Variants in NFAM1 observed in about 807,000 individuals in gnomAD.
The protein encoded by NFAM1 is NFAT activation molecule 1.
In NFAM1, 17 loss-of-function variants were observed where a neutral mutation model predicts 29.0. The observed-to-expected ratio is 0.59, with a 90% CI of 0.40 to 0.88. NFAM1 has a LOEUF of 0.88. Ranked by LOEUF, NFAM1 falls within the 40% of genes least tolerant of loss-of-function variation. NFAM1 has a pLI of 0.00. For missense variants in NFAM1, 324 were observed against 344.6 expected, an observed-to-expected ratio of 0.94 and a Z score of 0.47; for synonymous variants, 175 against 147.2, an observed-to-expected ratio of 1.19 and a Z score of -1.36.
chr22:42,391,514 A>G (rs906682193), intron 4 of NFAM1, among the ~76,000 whole-genome samples: 17 of 152,186 alleles, frequency 1.1e-4, no homozygotes, highest in African/African-American at 3.9e-4. Flanking sequence ...TTGAAGCAAG[A>G]TTTGTTGATA....
At chr22:42,418,112 G>A (rs1930321113) in intron 1 of NFAM1, among the ~76,000 whole-genome samples, 1 of 152,220 alleles carries the variant, frequency 6.6e-6, no homozygotes, top group African/African-American at 2.4e-5. Context: ...GGCCTGGCCA[G>A]AAATAGGGGC....
At chr22:42,385,696 A>G (rs1929115034) in intron 5 of NFAM1, among the ~76,000 whole-genome samples, 1 of 151,814 alleles carries the variant, frequency 6.6e-6, no homozygotes, top group African/African-American at 2.4e-5. Context: ...CCTGCAGACT[A>G]TGGCTCCCAG....
Position 42,385,904 on chromosome 22 carries a change from CA to C in NFAM1, c.754-685del, listed in dbSNP as rs1235219296. On this transcript the variant is annotated intron_variant, in intron 5 of 5. Coordinates refer to ENST00000329021, the MANE Select transcript of NFAM1 (RefSeq NM_145912.8). ...AGTGCCAGGCGCCCGCACTCCCTGA[CA>C]GATGTTCCAAGAGGCCTGTGGGCTC... is the stretch of plus-strand genomic sequence containing the variant. Among the ~76,000 whole-genome samples, 5 of 152,338 alleles carry C rather than the reference CA, an allele frequency of 3.3e-5. No individual in the cohort carries two copies. In the East Asian group the frequency reaches 9.6e-4, roughly 29 times the overall value.
rs869262500 is a variant in NFAM1 at position 42,419,990 on chromosome 22, G to GTTTTTTTTTTTTTTTT, written c.122-8270_122-8255dup. On this transcript the variant is annotated intron_variant, in intron 1 of 5. Coordinates refer to ENST00000329021, the MANE Select transcript of NFAM1 (RefSeq NM_145912.8). This position sits in a 1 kb window ranked among gnomAD's most constrained non-coding sequence, Gnocchi z 4.5. ...CTTTGAGTCTGTAATCCCACTCTTGGTTTTTTTTTTTTTTTTTTTTTTTTT... is the reference window on the plus strand; with the variant it reads ...CTTTGAGTCTGTAATCCCACTCTTGGTTTTTTTTTTTTTTTTTTTTTTTTTTTTTTTTTTTTTTTTT... Among the ~76,000 whole-genome samples the GTTTTTTTTTTTTTTTT allele has an allele frequency of 1.3e-4, 4 of 30,522 alleles. 2 individuals carry two copies. The highest frequency in any genetic ancestry group is 2.2e-4 in the Non-Finnish European group (4 of 17,916). 20.0% of individuals were successfully genotyped at this position (30,522 alleles called of 152,430 possible). A position where few individuals can be genotyped will look rare whatever the true frequency, so the allele number is the denominator to read the frequency against.
chr22:42,432,133 T>A, intron 1 of NFAM1, 104 bp downstream of exon 1: 1 of 1,038,800 alleles, frequency 9.6e-7, no homozygotes, highest in Non-Finnish European at 1.5e-6. Flanking sequence ...AACCAGCAAA[T>A]CCCCAGAGAC....
rs779170958 is a variant in NFAM1 at position 42,411,676 on chromosome 22, A to G, written c.182T>C (p.Ile61Thr). 1 of 1,614,030 alleles carries G rather than the reference A, an allele frequency of 6.2e-7. No individual in the cohort carries two copies. Among genetic ancestry groups the G allele is most frequent in the Non-Finnish European group, 8.5e-7 (1 of 1,179,904 alleles). ...PIMASLANTA[I>T]SFSCRITYPY... ...ATAGGTGATCCTGCAGCTGAAGGAG[A>G]TAGCTGTGTTGGCCAGGGAGGCCAT... The change falls in exon 2 of 6, where the codon ATC becomes ACC. Residue 61 changes from isoleucine to threonine, a missense_variant. Physicochemically the swap from Ile to Thr is moderately conservative, Grantham distance 89. Coordinates refer to ENST00000329021, the MANE Select transcript of NFAM1 (RefSeq NM_145912.8).
At position 42,391,299 on chromosome 22, in the gene NFAM1, G is replaced by A. The variant is rs569461381; in HGVS notation, c.664-4221C>T. Among the ~76,000 whole-genome samples, 430 of 147,092 alleles carry A rather than the reference G, an allele frequency of 2.9e-3. 5 individuals are homozygous for A. The highest frequency in any genetic ancestry group is 0.01 in the African/African-American group (410 of 40,320). On this transcript the variant is annotated intron_variant, in intron 4 of 5. Transcript: ENST00000329021. ...TCTGAGCAGAGGGCCATGATCTGTCGATGGCTTACCAGGATCATTGGCTAC... is the reference window on the plus strand; with the variant it reads ...TCTGAGCAGAGGGCCATGATCTGTCAATGGCTTACCAGGATCATTGGCTAC...
chr22:42,416,274 C>A (rs1930257405), intron 1 of NFAM1, among the ~76,000 whole-genome samples: 1 of 152,092 alleles, frequency 6.6e-6, no homozygotes, highest in Non-Finnish European at 1.5e-5. Context: ...AGTTTGAGAC[C>A]AGCCTGAGCA....
At chr22:42,427,003 C>G (rs543054438) in intron 1 of NFAM1, among the ~76,000 whole-genome samples, 1 of 152,122 alleles carries the variant, frequency 6.6e-6, no homozygotes, top group Non-Finnish European at 1.5e-5. Flanking sequence ...GGAGGTTCAG[C>G]GTACTCCAGA....
chr22:42,402,561 C>T (rs927971127), intron 3 of NFAM1, among the ~76,000 whole-genome samples: 2 of 152,146 alleles, frequency 1.3e-5, no homozygotes, highest in Non-Finnish European at 2.9e-5. Context: ...TGGGACAGAA[C>T]AAGGAGGGCA....
At chr22:42,421,445 CA>C (rs202030633) in intron 1 of NFAM1, among the ~76,000 whole-genome samples, 8,142 of 112,538 alleles carry the variant, frequency 0.072, 380 homozygotes, top group African/African-American at 0.15. Context: ...AACTCTGTCT[CA>C]AAAAAAAAAA....
chr22:42,386,426 C>CACACACAA (rs1491541989), intron 5 of NFAM1, among the ~76,000 whole-genome samples: 3 of 106,416 alleles, frequency 2.8e-5, no homozygotes, highest in African/African-American at 1.3e-4. Flanking sequence ...CACACACACA[C>CACACACAA]AAAACAAAAA....
intron 3 of NFAM1, among the ~76,000 whole-genome samples, chr22:42,401,763 G>A (rs1346172309): frequency 6.6e-6 from 1 of 152,176 alleles, no homozygotes; most frequent in Non-Finnish European, 1.5e-5. Flanking sequence ...AGATGGTGGT[G>A]GGACAGGGAG....
intron 1 of NFAM1, among the ~76,000 whole-genome samples, chr22:42,418,018 T>G (rs916041285): frequency 6.6e-6 from 1 of 152,226 alleles, no homozygotes; most frequent in African/African-American, 2.4e-5. Context: ...TACAGGAGAC[T>G]GTGTTTTGGG....
chr22:42,408,439 C>T (rs891703465), intron 3 of NFAM1, among the ~76,000 whole-genome samples: 1 of 152,220 alleles, frequency 6.6e-6, no homozygotes, highest in African/African-American at 2.4e-5. Flanking sequence ...CTGTTGCTGA[C>T]TCAGCTGCCC....
At chr22:42,405,542 C>T (rs903638476) in intron 3 of NFAM1, among the ~76,000 whole-genome samples, 20 of 152,184 alleles carry the variant, frequency 1.3e-4, no homozygotes, top group African/African-American at 4.8e-4. Flanking sequence ...GGGCGAGAGT[C>T]GGGGGCGTGC....
rs1930378372 is a variant in NFAM1 at position 42,419,954 on chromosome 22, A to T, written c.122-8218T>A. ...ATTGCAGTGGTAGACATGGGATTTT[A>T]AGCTGGGTCCCTTTGAGTCTGTAAT... On this transcript the variant is annotated intron_variant, in intron 1 of 5. Coordinates refer to ENST00000329021, the MANE Select transcript of NFAM1 (RefSeq NM_145912.8). This position sits in a 1 kb window ranked among gnomAD's most constrained non-coding sequence, Gnocchi z 4.5. Among the ~76,000 whole-genome samples, 1 of 139,334 alleles carries T rather than the reference A, an allele frequency of 7.2e-6. No homozygotes were observed. Among genetic ancestry groups the T allele is most frequent in the Non-Finnish European group, 1.5e-5 (1 of 65,566 alleles). 91.4% of individuals were successfully genotyped at this position (139,334 alleles called of 152,430 possible).
intron 2 of NFAM1, 65 bp downstream of exon 2, chr22:42,411,342 G>A: frequency 7.7e-7 from 1 of 1,295,472 alleles, no homozygotes. Context: ...CCGATCCAAA[G>A]TCCCAAACTG....
intron 4 of NFAM1, among the ~76,000 whole-genome samples, chr22:42,394,938 T>G (rs1263928233): frequency 6.6e-6 from 1 of 151,078 alleles, no homozygotes; most frequent in African/African-American, 2.4e-5. Context: ...GGCAATATAG[T>G]GAGACCTTGT....
Sources: gnomAD v4.1 joint callset for allele counts (sites outside exome capture counted in the v4.1 genomes callset) on GRCh38, gnomAD v4.1.1 for gene constraint, Gnocchi (gnomAD v3.1) non-coding constraint, MANE v1.5 for transcripts, NCBI Gene and HGNC (gene_info 2026-07-23, HGNC 2026-07-21) for gene names.